HAAO: variants seen among roughly 807,000 people sequenced by gnomAD.
HAAO encodes 3-hydroxyanthranilate oxygenase.
A neutral mutation model predicts 46.2 loss-of-function variants in HAAO; 49 were observed. The ratio of observed to expected loss-of-function variants is 1.06; its 90% CI spans 0.84 to 1.34. HAAO has a LOEUF of 1.34. HAAO is among the 40% of genes most tolerant of loss of function. The pLI is 0.00. For missense variants in HAAO, 408 were observed against 364.5 expected, an observed-to-expected ratio of 1.12 and a Z score of -0.97; for synonymous variants, 157 against 145.2, an observed-to-expected ratio of 1.08 and a Z score of -0.58.
In HAAO at chr2:42,791,569, C is replaced by G. The variant is rs1672801945; in HGVS notation, c.80+888G>C. ...TGGGTTGAGTCTGGAGCCTATCGCA[C>G]AGGCGCTCCGTGACACTAGAAAAGT... On this transcript the variant is annotated intron_variant, in intron 1 of 9. Transcript: ENST00000294973. 3.9e-5 allele frequency among the ~76,000 whole-genome samples: 6 copies of G among 152,166 alleles called. 1 individual carries two copies. In the South Asian group the frequency reaches 1.0e-3, roughly 26 times the overall value.
In HAAO at chr2:42,783,404, G is replaced by T; in HGVS notation, c.260C>A (p.Ala87Asp). Reference protein sequence around the residue: ...IRQGEIFLLPARVPHSPQRFA... With the variant: ...IRQGEIFLLPDRVPHSPQRFA... ...CCTCTGTGGTGAGTGGGGCACCCTG[G>T]CAGGCAGGAGGAATATCTGCAGTGG... Residue 87 changes from alanine to aspartate, a missense_variant, in exon 4 of 10, where the codon GCC becomes GAC. Coordinates refer to ENST00000294973, the MANE Select transcript of HAAO (RefSeq NM_012205.3). The T allele has an allele frequency of 6.2e-7, 1 of 1,609,416 alleles. No homozygotes were observed. The highest frequency in any genetic ancestry group is 8.5e-7 in the Non-Finnish European group (1 of 1,176,210).
At chr2:42,782,973 C>T in intron 4 of HAAO, 1 of 426,646 alleles carries the variant, frequency 2.3e-6, no homozygotes. Context: ...CACACGTCCT[C>T]AACCTTGGCA....
intron 7 of HAAO, 63 bp from the exon 8 acceptor site, chr2:42,767,991 C>T: frequency 6.9e-7 from 1 of 1,451,792 alleles, no homozygotes; most frequent in South Asian, 1.1e-5. Flanking sequence ...TGGTCTTGAA[C>T]CTGGCCCCCA....
chr2:42,776,179 T>C (rs954828825), intron 4 of HAAO, among the ~76,000 whole-genome samples: 1 of 151,634 alleles, frequency 6.6e-6, no homozygotes, highest in Admixed American at 6.6e-5. Flanking sequence ...TTGGTATCCT[T>C]ATACAATCCT....
At chr2:42,791,219 G>A (rs539706073) in intron 1 of HAAO, among the ~76,000 whole-genome samples, 91 of 152,258 alleles carry the variant, frequency 6.0e-4, no homozygotes, top group African/African-American at 2.1e-3. Context: ...ACACACACAA[G>A]GAGACTGCCT....
chr2:42,783,599 C>T (rs3821349), intron 3 of HAAO, among the ~76,000 whole-genome samples, 179 bp from the exon 4 acceptor site: 54,103 of 151,914 alleles, frequency 0.36, 10,397 homozygotes, highest in African/African-American at 0.47. Context: ...AATGTTGGAC[C>T]GTGCTGAGGA....
At position 42,767,375 on chromosome 2, in the gene HAAO, G is replaced by A; in HGVS notation, c.*62C>T. 1 of 1,150,426 alleles carries A rather than the reference G, an allele frequency of 8.7e-7. No individual in the cohort carries two copies. The highest frequency in any genetic ancestry group is 2.4e-5 in the East Asian group (1 of 41,922). The allele number at this position is 1,150,426 out of a possible 1,614,324, so 71.3% of individuals were successfully genotyped here. A position where few individuals can be genotyped will look rare whatever the true frequency, so the allele number is the denominator to read the frequency against. ...TAGTGGGGGCTGGGAGAGTTGTTTG[G>A]CAGGGATGGCACTCGAGGGTGCTTG... On this transcript the variant is annotated 3_prime_UTR_variant, in exon 10 of 10. Transcript: ENST00000294973.
chr2:42,783,050 C>T, intron 4 of HAAO: 5 of 539,528 alleles, frequency 9.3e-6, no homozygotes, highest in Non-Finnish European at 1.7e-5. Flanking sequence ...ACGCAGAAAG[C>T]ACAGATTCTG....
At position 42,775,246 on chromosome 2, in the gene HAAO, G is replaced by GAAA. The variant is rs34025268; in HGVS notation, c.351-4667_351-4665dup. ...TGGGTGACAGAGTAAGACTGTCATG[G>GAAA]AAAAAAAAAAAAAAAAAAAAAAAGG... is the stretch of plus-strand genomic sequence containing the variant. On this transcript the variant is annotated intron_variant, in intron 4 of 9. Transcript: ENST00000294973. 8.4e-3 allele frequency among the ~76,000 whole-genome samples: 578 copies of GAAA among 69,154 alleles called. 17 individuals are homozygous for GAAA. The highest frequency in any genetic ancestry group is 0.034 in the African/African-American group (547 of 16,162). The allele number at this position is 69,154 out of a possible 152,430, so 45.4% of individuals were successfully genotyped here. A position where few individuals can be genotyped will look rare whatever the true frequency, so the allele number is the denominator to read the frequency against.
rs1037821848 is a variant in HAAO, at chr2:42,792,454, C to T, written c.80+3G>A. Reference sequence around the variant, plus strand: ...GGGGCGGCCATGGGGGTGCTGGACTCACATGAGCTTGTTGCAGACCGGGGG... The same window carrying T: ...GGGGCGGCCATGGGGGTGCTGGACTTACATGAGCTTGTTGCAGACCGGGGG... On this transcript the variant is annotated splice_donor_region_variant and intron_variant, in intron 1 of 9. Transcript: ENST00000294973. 6.3e-7 allele frequency: 1 copy of T among 1,577,726 alleles called. No individual in the cohort carries two copies. The highest frequency in any genetic ancestry group is 1.7e-4 in the Middle Eastern group (1 of 5,950).
chr2:42,776,837 T>C (rs1306394008), intron 4 of HAAO, among the ~76,000 whole-genome samples: 1 of 151,054 alleles, frequency 6.6e-6, no homozygotes, highest in South Asian at 2.1e-4. Context: ...TTTCACTATC[T>C]TGGCCAGGTG....
rs941347178 is a variant in HAAO at position 42,792,306 on chromosome 2, C to G, written c.80+151G>C. The G allele has an allele frequency of 1.6e-5, 8 of 496,098 alleles. 1 individual carries two copies. The highest frequency in any genetic ancestry group is 8.1e-4 in the Middle Eastern group (2 of 2,458). The allele number at this position is 496,098 out of a possible 1,614,324, so 30.7% of individuals were successfully genotyped here. ...GACCGATGTGGTGGAACCGGAACAGCCTGTCTCCATCTTCCCCCAAGAACC... is the reference window on the plus strand; with the variant it reads ...GACCGATGTGGTGGAACCGGAACAGGCTGTCTCCATCTTCCCCCAAGAACC... On this transcript the variant is annotated intron_variant, in intron 1 of 9. Transcript: ENST00000294973.
rs1671327421 is a variant in HAAO at position 42,773,702 on chromosome 2, C to G, written c.351-3120G>C. 4.6e-5 allele frequency among the ~76,000 whole-genome samples: 7 copies of G among 151,868 alleles called. No individual in the cohort carries two copies. In the South Asian group the frequency reaches 1.5e-3, roughly 32 times the overall value. Reference sequence around the variant, plus strand: ...CCTGGGTTCATGCCATTCTCCTGCCCCAGCCTCCCAAGTAGCTGGGAATAC... The same window carrying G: ...CCTGGGTTCATGCCATTCTCCTGCCGCAGCCTCCCAAGTAGCTGGGAATAC... On this transcript the variant is annotated intron_variant, in intron 4 of 9. Transcript: ENST00000294973.
At chr2:42,789,736 T>G (rs968328097) in intron 1 of HAAO, among the ~76,000 whole-genome samples, 2 of 152,180 alleles carry the variant, frequency 1.3e-5, no homozygotes, top group African/African-American at 2.4e-5. Flanking sequence ...GTCAGCTGTT[T>G]GGAACAAAAG....
At chr2:42,789,904 G>T (rs1672660500) in intron 1 of HAAO, among the ~76,000 whole-genome samples, 1 of 152,244 alleles carries the variant, frequency 6.6e-6, no homozygotes, top group Non-Finnish European at 1.5e-5. Flanking sequence ...GAATGTGTCT[G>T]TGTAGGGCTT....
intron 4 of HAAO, among the ~76,000 whole-genome samples, chr2:42,772,710 C>A (rs1671229758): frequency 6.6e-6 from 1 of 151,924 alleles, no homozygotes; most frequent in African/African-American, 2.4e-5. Flanking sequence ...ACTTTGCATT[C>A]CTGTACTTTT....
chr2:42,774,565 T>G (rs1358484653), intron 4 of HAAO, among the ~76,000 whole-genome samples: 1 of 152,168 alleles, frequency 6.6e-6, no homozygotes, highest in African/African-American at 2.4e-5. Context: ...AGGTAACTCC[T>G]TTATGGAATT....
At chr2:42,783,752 C>G (rs769407984) in intron 3 of HAAO, 32 bp downstream of exon 3, 23 of 1,585,896 alleles carry the variant, frequency 1.5e-5, no homozygotes, top group Admixed American at 1.7e-5. Context: ...GGCCGCCTTT[C>G]TCTTCCCCAC....
chr2:42,773,825 C>T (rs1158488092), intron 4 of HAAO, among the ~76,000 whole-genome samples: 1 of 152,124 alleles, frequency 6.6e-6, no homozygotes, highest in Non-Finnish European at 1.5e-5. Context: ...CTCCTGACCT[C>T]GTGATCCACC....
Sources: gnomAD v4.1 joint callset for allele counts (sites outside exome capture counted in the v4.1 genomes callset) on GRCh38, gnomAD v4.1.1 for gene constraint, MANE v1.5 for transcripts, NCBI Gene and HGNC (gene_info 2026-07-23, HGNC 2026-07-21) for gene names.